The following PP2D1 variants were observed in gnomAD, a reference collection of about 807,000 sequenced individuals.
PP2D1 encodes the protein protein phosphatase 2C-like domain-containing protein 1.
In PP2D1, 25 loss-of-function variants were observed where a neutral mutation model predicts 30.2. The observed-to-expected ratio is 0.83, with a 90% confidence interval of 0.60 to 1.16. The LOEUF (loss-of-function observed/expected upper bound fraction) is 1.16. Among genes scored for constraint, PP2D1 ranks in the 50% most tolerant of loss-of-function variants. PP2D1 has a pLI of 0.00. For missense variants in PP2D1, 760 were observed against 742.4 expected (o/e 1.02, Z -0.28); for synonymous variants, 260 against 258.9 (o/e 1.00, Z -0.04).
At chr3:19,994,133 A>G (rs533798385) in intron 2 of PP2D1, among the ~76,000 whole-genome samples, 2 of 152,276 alleles carry the variant, frequency 1.3e-5, no homozygotes, top group African/African-American at 4.8e-5. Context: ...ACCACAACAA[A>G]GCTAGGACCC....
intron 2 of PP2D1, among the ~76,000 whole-genome samples, chr3:19,997,392 T>G (rs1697194306): frequency 6.6e-6 from 1 of 150,886 alleles, no homozygotes; most frequent in African/African-American, 2.4e-5. Flanking sequence ...AAGAAACATG[T>G]CTCAACATAA....
rs1004338455 is a variant in PP2D1 at position 20,001,477 on chromosome 3, C to T, written c.643G>A (p.Ala215Thr). The T allele has an allele frequency of 6.2e-5, 95 of 1,536,384 alleles. 1 individual carries two copies. In the East Asian group the frequency reaches 2.1e-3, roughly 34 times the overall value. Residue 215 changes from alanine to threonine, a missense_variant, in exon 2 of 3, where the codon GCG (alanine) becomes ACG (threonine). Ala to Thr is a moderately conservative substitution (Grantham distance 58). Coordinates refer to ENST00000389050, the MANE Select transcript of PP2D1 (RefSeq NM_001252657.2). ...GLFDGHHGAS[A>T]AELTSMELPV... is the part of the protein sequence containing the mutation. The stretch of plus-strand genomic sequence containing the variant: ...AGTTCCATTGATGTCAACTCTGCCG[C>T]TGAGGCACCGTGATGTCCATCAAAC...
At chr3:20,006,359 GT>G (rs1697318806) in intron 1 of PP2D1, among the ~76,000 whole-genome samples, 1 of 152,202 alleles carries the variant, frequency 6.6e-6, no homozygotes, top group Admixed American at 6.5e-5. Context: ...TGCACAGGAA[GT>G]TTGAATATGG....
At chr3:19,984,578 G>T (rs1236274468), downstream of PP2D1, 3 of 173,134 alleles carry the variant, frequency 1.7e-5, no homozygotes, top group African/African-American at 2.4e-5. Flanking sequence ...ATTAATCACC[G>T]CTGGCCATTA....
intron 1 of PP2D1, among the ~76,000 whole-genome samples, chr3:20,002,376 C>G (rs951911512): frequency 6.6e-6 from 1 of 152,086 alleles, no homozygotes; most frequent in African/African-American, 2.4e-5. Flanking sequence ...CTTAGACATG[C>G]GAAAGTATGT....
intron 2 of PP2D1, among the ~76,000 whole-genome samples, chr3:19,988,488 G>A (rs962713448): frequency 1.3e-5 from 2 of 152,170 alleles, no homozygotes; most frequent in African/African-American, 4.8e-5. Context: ...TGTTATCAAT[G>A]ACAATGCATG....
At chr3:19,982,288 C>T (rs185125513), downstream of PP2D1, among the ~76,000 whole-genome samples, 2 of 152,096 alleles carry the variant, frequency 1.3e-5, no homozygotes, top group Admixed American at 6.5e-5. Context: ...AAGATCACAA[C>T]GAAGTGTTGA....
chr3:19,981,895 T>C (rs986071467), downstream of PP2D1, among the ~76,000 whole-genome samples: 2 of 152,148 alleles, frequency 1.3e-5, no homozygotes, highest in Non-Finnish European at 2.9e-5. Context: ...GATAATTCTA[T>C]CTGGATTAGG....
downstream of PP2D1, chr3:19,985,053 T>G: frequency 4.3e-6 from 1 of 234,208 alleles, no homozygotes; most frequent in South Asian, 8.9e-5. Flanking sequence ...TTTAATCTAT[T>G]TAAGTGTTGG....
In PP2D1 at chr3:20,001,051, T is replaced by G. The variant is rs1697243667; in HGVS notation, c.1069A>C (p.Ile357Leu). Residue 357 changes from isoleucine to leucine, a missense_variant, in exon 2 of 3, where the codon ATA becomes CTA. By Grantham distance (5) the Ile-to-Leu change is conservative. This residue lies in a region of PP2D1 where 17 missense variants were observed against 37.4 expected (regional missense o/e 0.45). Coordinates refer to ENST00000389050, the MANE Select transcript of PP2D1 (RefSeq NM_001252657.2). ...ATACCAGTGTTTGCAACATGTAATA[T>G]TCCAGAAATTATTTTTGGCATCTCC... ...SQEMPKIISGILHVANTGNVQ... is the reference protein window; with the variant it reads ...SQEMPKIISGLLHVANTGNVQ... The G allele has an allele frequency of 1.4e-6, 2 of 1,398,830 alleles. No individual in the cohort carries two copies. Among genetic ancestry groups the G allele is most frequent in the Admixed American group, 3.0e-5 (1 of 33,424 alleles). 86.7% of individuals were successfully genotyped at this position (1,398,830 alleles called of 1,614,324 possible). A position where few individuals can be genotyped will look rare whatever the true frequency, so the allele number is the denominator to read the frequency against.
intron 1 of PP2D1, among the ~76,000 whole-genome samples, chr3:20,011,724 G>C (rs141121870): frequency 6.6e-6 from 1 of 152,048 alleles, no homozygotes; most frequent in Non-Finnish European, 1.5e-5. Flanking sequence ...ACTTGAACCC[G>C]GGAAGCGGAG....
At chr3:20,007,983 A>G (rs1697341861) in intron 1 of PP2D1, 1 of 217,218 alleles carries the variant, frequency 4.6e-6, no homozygotes. Context: ...AGATCTTTTA[A>G]TATCTGTAAA....
intron 1 of PP2D1, among the ~76,000 whole-genome samples, chr3:20,010,789 C>G (rs987568054): frequency 6.6e-6 from 1 of 151,296 alleles, no homozygotes; most frequent in Admixed American, 6.6e-5. Context: ...GCAACAAGAG[C>G]GAAACTCCAT....
intron 2 of PP2D1, among the ~76,000 whole-genome samples, chr3:19,989,944 A>G (rs1697095305): frequency 1.3e-5 from 2 of 152,166 alleles, no homozygotes; most frequent in South Asian, 4.1e-4. Flanking sequence ...TAAACAGGTT[A>G]TTTTTATTTT....
In PP2D1 at chr3:20,001,732, T is replaced by C; in HGVS notation, c.388A>G (p.Ser130Gly). 2 of 1,531,516 alleles carry C rather than the reference T, an allele frequency of 1.3e-6. No individual in the cohort carries two copies. Among genetic ancestry groups the C allele is most frequent in the Non-Finnish European group, 1.7e-6 (2 of 1,145,164 alleles). 94.9% of individuals were successfully genotyped at this position (1,531,516 alleles called of 1,614,324 possible). A position where few individuals can be genotyped will look rare whatever the true frequency, so the allele number is the denominator to read the frequency against. The change falls in exon 2 of 3, where the codon AGC becomes GGC. Residue 130 changes from serine (S) to glycine (G), a missense_variant. Transcript: ENST00000389050. ...AGCAGCTCAAAAGCATTATTAATGCTCTGTAGGGTTTTTTCAGTGAACATA... is the reference window on the plus strand; with the variant it reads ...AGCAGCTCAAAAGCATTATTAATGCCCTGTAGGGTTTTTTCAGTGAACATA... ...SFMFTEKTLQ[S>G]INNAFELLWK...
downstream of PP2D1, among the ~76,000 whole-genome samples, chr3:19,981,913 A>G (rs1296575401): frequency 6.6e-6 from 1 of 152,180 alleles, no homozygotes; most frequent in African/African-American, 2.4e-5. Context: ...AGGTACAGCT[A>G]CTGGTCAGTC....
chr3:19,983,654 CTGATAT>C, downstream of PP2D1: 1 of 1,184,622 alleles, frequency 8.4e-7, no homozygotes, highest in Non-Finnish European at 1.2e-6. Flanking sequence ...GCAGGTGAAA[CTGATAT>C]TAATATGAGT....
intron 2 of PP2D1, among the ~76,000 whole-genome samples, chr3:19,996,125 A>G (rs1440861992): frequency 6.6e-6 from 1 of 152,180 alleles, no homozygotes; most frequent in African/African-American, 2.4e-5. Context: ...ACACTAAAAA[A>G]TACACATAGG....
Position 19,989,036 on chromosome 3 carries a change from G to A in PP2D1, c.1091-2854C>T, listed in dbSNP as rs367570258. Among the ~76,000 whole-genome samples the A allele has an allele frequency of 3.0e-4, 45 of 152,242 alleles. 1 individual carries two copies. The South Asian group carries it at 8.9e-3, about 30-fold the overall frequency. On this transcript the variant is annotated intron_variant, in intron 2 of 2. Transcript: ENST00000389050. ...ATGCAACTAGTATAGTGGTATAATT[G>A]GAAAGCCTAAATTGGTGGCCAGTGT...
Sources: gnomAD v4.1 joint callset for allele counts (sites outside exome capture counted in the v4.1 genomes callset) on GRCh38, gnomAD v4.1.1 for gene constraint, gnomAD v4.1.1 regional missense constraint, MANE v1.5 for transcripts, NCBI Gene and HGNC (gene_info 2026-07-23, HGNC 2026-07-21) for gene names.